The following CDK14 variants were observed in gnomAD, a reference collection of about 807,000 sequenced individuals.
CDK14 encodes cyclin-dependent kinase 14.
In CDK14, 34 loss-of-function variants were observed where a neutral mutation model predicts 60.7. The observed-to-expected ratio is 0.56, with a 90% CI of 0.43 to 0.75. The LOEUF (loss-of-function observed/expected upper bound fraction) is 0.75. Among genes scored for constraint, CDK14 ranks in the 30% least tolerant of loss-of-function variants. The probability of loss-of-function intolerance (pLI) is 0.00; values close to 1 mark genes in which losing one functional copy is unlikely to be tolerated. For missense variants in CDK14, 482 were observed against 564.1 expected, an observed-to-expected ratio of 0.85 and a Z score of 1.47; for synonymous variants, 197 against 203.7, an observed-to-expected ratio of 0.97 and a Z score of 0.28.
intron 2 of CDK14, among the ~76,000 whole-genome samples, chr7:90,650,575 G>T (rs1157945161): frequency 6.6e-6 from 1 of 152,160 alleles, no homozygotes; most frequent in African/African-American, 2.4e-5. Flanking sequence ...TTCTTCTAGG[G>T]TTTTTATGGT....
chr7:90,611,770 G>C (rs1799542095), intron 2 of CDK14, among the ~76,000 whole-genome samples: 1 of 151,850 alleles, frequency 6.6e-6, no homozygotes, highest in African/African-American at 2.4e-5. Context: ...TATCTTTCAA[G>C]GCCTTTCACG....
At chr7:90,716,352 C>A (rs752956470) in intron 2 of CDK14, 48 of 151,994 alleles carry the variant, frequency 3.2e-4, no homozygotes, top group Non-Finnish European at 4.9e-4. Context: ...CCTGAGGTGA[C>A]TTCCTTCTAA....
chr7:91,183,383 C>T (rs1214884065), intron 14 of CDK14, among the ~76,000 whole-genome samples: 2 of 152,196 alleles, frequency 1.3e-5, no homozygotes, highest in Non-Finnish European at 1.5e-5. Flanking sequence ...ACCTTTTCTA[C>T]CCTTACTTAT....
chr7:90,916,981 G>T (rs942169075), intron 7 of CDK14, among the ~76,000 whole-genome samples: 16 of 152,270 alleles, frequency 1.1e-4, no homozygotes, highest in African/African-American at 3.8e-4. Flanking sequence ...AATTAGTGAA[G>T]GTGGTACATG....
chr7:90,913,894 C>T (rs771801214), intron 7 of CDK14, among the ~76,000 whole-genome samples: 7 of 152,134 alleles, frequency 4.6e-5, no homozygotes, highest in Admixed American at 6.5e-5. Flanking sequence ...GGGGCAGAGA[C>T]GGGGAGTGGG....
intron 2 of CDK14, among the ~76,000 whole-genome samples, chr7:90,641,168 C>G (rs1214516969): frequency 6.6e-6 from 1 of 151,868 alleles, no homozygotes; most frequent in East Asian, 1.9e-4. Context: ...AATTGGAACT[C>G]TCATACCCTG....
chr7:90,964,647 T>C (rs1451070754), intron 9 of CDK14, among the ~76,000 whole-genome samples: 1 of 152,214 alleles, frequency 6.6e-6, no homozygotes, highest in Non-Finnish European at 1.5e-5. Context: ...CTTTTAACTC[T>C]TTTAGACATG....
At chr7:90,751,295 A>G (rs994657691) in intron 4 of CDK14, among the ~76,000 whole-genome samples, 1 of 152,228 alleles carries the variant, frequency 6.6e-6, no homozygotes, top group African/African-American at 2.4e-5. Flanking sequence ...TCACATATAA[A>G]GGGAACACCA....
At chr7:91,177,004 C>A (rs1283587332) in intron 14 of CDK14, among the ~76,000 whole-genome samples, 4,755 of 149,854 alleles carry the variant, frequency 0.032, 130 homozygotes, top group Non-Finnish European at 0.043. Flanking sequence ...GAGACACAAC[C>A]AAAAAAGAGA....
chr7:91,154,520 A>G (rs182305225), intron 14 of CDK14, among the ~76,000 whole-genome samples: 83 of 152,302 alleles, frequency 5.4e-4, no homozygotes, highest in Admixed American at 1.6e-3. Context: ...TGCCACCTTT[A>G]AAACACTTTT....
At chr7:90,980,911 G>A (rs1023819428) in intron 9 of CDK14, among the ~76,000 whole-genome samples, 1 of 152,138 alleles carries the variant, frequency 6.6e-6, no homozygotes, top group Non-Finnish European at 1.5e-5. Context: ...CACAAGTAGT[G>A]CTAAAATAAA....
intron 4 of CDK14, among the ~76,000 whole-genome samples, chr7:90,768,950 AG>A (rs1409771074): frequency 6.6e-6 from 1 of 152,220 alleles, no homozygotes; most frequent in Admixed American, 6.5e-5. Context: ...ATTTTTATAT[AG>A]CTACATTCCA....
At position 91,045,806 on chromosome 7, in the gene CDK14, T is replaced by C. The variant is rs771692272; in HGVS notation, c.1042-91T>C. The C allele has an allele frequency of 6.7e-5, 51 of 761,338 alleles. 3 individuals carry two copies. The highest frequency in any genetic ancestry group is 5.5e-4 in the Admixed American group (25 of 45,628). The allele number at this position is 761,338 out of a possible 1,614,324, so 47.2% of individuals were successfully genotyped here. ...TGGAAAAAAAAATACCAGAGTTTCATAATATGTAGTGTACTATTTTTCTAC... is the reference window on the plus strand; with the variant it reads ...TGGAAAAAAAAATACCAGAGTTTCACAATATGTAGTGTACTATTTTTCTAC... On this transcript the variant is annotated intron_variant, in intron 10 of 14. Transcript: ENST00000380050.
intron 4 of CDK14, among the ~76,000 whole-genome samples, chr7:90,781,204 T>TA (rs1805303301): frequency 6.6e-6 from 1 of 152,246 alleles, no homozygotes; most frequent in African/African-American, 2.4e-5. Context: ...TTTGGCTGCA[T>TA]AAATGTCTTC....
intron 12 of CDK14, among the ~76,000 whole-genome samples, chr7:91,095,995 A>G (rs1424191824): frequency 1.4e-5 from 2 of 143,268 alleles, no homozygotes; most frequent in Non-Finnish European, 3.0e-5. Context: ...AATTAATGCC[A>G]CTGAATTGTA....
chr7:90,767,296 CAT>C (rs1442153617), intron 4 of CDK14, among the ~76,000 whole-genome samples: 10 of 152,280 alleles, frequency 6.6e-5, no homozygotes, highest in Admixed American at 6.5e-4. Flanking sequence ...AAAGCACATC[CAT>C]GTACCTTATA....
At chr7:90,823,477 C>T (rs1355263230) in intron 5 of CDK14, among the ~76,000 whole-genome samples, 3 of 152,162 alleles carry the variant, frequency 2.0e-5, no homozygotes, top group Non-Finnish European at 2.9e-5. Context: ...TGTACTTTCT[C>T]GTGGCACAAA....
At chr7:90,772,270 C>G (rs1804814445) in intron 4 of CDK14, among the ~76,000 whole-genome samples, 1 of 152,202 alleles carries the variant, frequency 6.6e-6, no homozygotes, top group South Asian at 2.1e-4. Flanking sequence ...CTTCTGTTGC[C>G]TAGCTAGCAA....
At chr7:91,048,484 C>T (rs1322051226) in intron 11 of CDK14, among the ~76,000 whole-genome samples, 1 of 152,170 alleles carries the variant, frequency 6.6e-6, no homozygotes, top group Non-Finnish European at 1.5e-5. Context: ...CATACACATA[C>T]ACATTGCATA....
Sources: gnomAD v4.1 joint callset for allele counts (sites outside exome capture counted in the v4.1 genomes callset) on GRCh38, gnomAD v4.1.1 for gene constraint, MANE v1.5 for transcripts, NCBI Gene and HGNC (gene_info 2026-07-23, HGNC 2026-07-21) for gene names.